Variants in NWD2 observed in about 807,000 individuals in gnomAD.
NWD2 encodes NACHT and WD repeat domain containing 2, also known as NACHT and WD repeat domain-containing protein 2.
Under a neutral mutation model 132.7 loss-of-function variants are expected in NWD2, and 37 were observed. The observed-to-expected ratio is 0.28, with a 90% CI of 0.21 to 0.37. The LOEUF (loss-of-function observed/expected upper bound fraction) is 0.37. Among genes scored for constraint, NWD2 ranks in the 10% least tolerant of loss-of-function variants. The pLI is 1.00. For missense variants in NWD2, 1,592 were observed against 2,122.4 expected, an observed-to-expected ratio of 0.75 and a Z score of 4.91; for synonymous variants, 705 against 803.0, an observed-to-expected ratio of 0.88 and a Z score of 2.06.
intron 3 of NWD2, among the ~76,000 whole-genome samples, chr4:37,417,939 A>G (rs1021864116): frequency 1.3e-5 from 2 of 152,212 alleles, no homozygotes; most frequent in African/African-American, 2.4e-5. Flanking sequence ...ATATATGTAT[A>G]TACAGAGGTT....
chr4:37,373,501 T>C (rs113427123), intron 3 of NWD2, among the ~76,000 whole-genome samples: 3 of 152,236 alleles, frequency 2.0e-5, no homozygotes, highest in African/African-American at 7.2e-5. Context: ...GGTAGCTTAT[T>C]GTAACTTGGC....
chr4:37,402,609 T>C (rs1720915578), intron 3 of NWD2, among the ~76,000 whole-genome samples: 1 of 152,196 alleles, frequency 6.6e-6, no homozygotes, highest in Non-Finnish European at 1.5e-5. Flanking sequence ...TATTGGTGAA[T>C]TGAATTATTA....
rs1437717837 is a variant in NWD2 at position 37,335,037 on chromosome 4, A to G, written c.240+9013A>G. Among the ~76,000 whole-genome samples the G allele has an allele frequency of 5.3e-5, 8 of 151,878 alleles. No homozygotes were observed. In the South Asian group the frequency reaches 1.0e-3, roughly 20 times the overall value. Reference sequence around the variant, plus strand: ...TAATACCAAACTCTTAATCTACTTTACCCAGCTGGTTCATCCTCCACAATG... The same window carrying G: ...TAATACCAAACTCTTAATCTACTTTGCCCAGCTGGTTCATCCTCCACAATG... On this transcript the variant is annotated intron_variant, in intron 2 of 6. Coordinates refer to ENST00000309447, the MANE Select transcript of NWD2 (RefSeq NM_001144990.2).
chr4:37,334,358 G>A (rs537152314), intron 2 of NWD2, among the ~76,000 whole-genome samples: 8 of 152,256 alleles, frequency 5.3e-5, no homozygotes, highest in East Asian at 1.9e-4. Flanking sequence ...TCTTCCCCAC[G>A]TAAATAATCC....
intron 1 of NWD2, among the ~76,000 whole-genome samples, chr4:37,261,389 G>T (rs918867542): frequency 3.9e-5 from 6 of 152,154 alleles, no homozygotes; most frequent in African/African-American, 1.4e-4. Context: ...TGTCTGTCAA[G>T]GTTGACATCT....
chr4:37,305,736 G>T (rs1019264767), intron 1 of NWD2, among the ~76,000 whole-genome samples: 1 of 152,078 alleles, frequency 6.6e-6, no homozygotes, highest in Admixed American at 6.6e-5. Context: ...CTAGTATTTT[G>T]TTGGGGATTT....
intron 2 of NWD2, among the ~76,000 whole-genome samples, chr4:37,345,989 G>C (rs1045715642): frequency 6.6e-6 from 1 of 151,738 alleles, no homozygotes; most frequent in Non-Finnish European, 1.5e-5. Context: ...GCTGAGGCAG[G>C]GAGAATCGCT....
intron 2 of NWD2, among the ~76,000 whole-genome samples, chr4:37,343,620 C>CA (rs891433285): frequency 2.0e-5 from 3 of 152,158 alleles, no homozygotes; most frequent in Non-Finnish European, 2.9e-5. Flanking sequence ...TTTCAAAACT[C>CA]AGTCATATTA....
chr4:37,271,327 AATGGTTG>A (rs1471889019), intron 1 of NWD2, among the ~76,000 whole-genome samples: 11 of 151,882 alleles, frequency 7.2e-5, no homozygotes, highest in African/African-American at 2.7e-4. Flanking sequence ...TGAATTTAAG[AATGGTTG>A]ATATCCAAAT....
chr4:37,334,200 T>C (rs1030635779), intron 2 of NWD2, among the ~76,000 whole-genome samples: 3 of 152,232 alleles, frequency 2.0e-5, no homozygotes, highest in Non-Finnish European at 4.4e-5. Flanking sequence ...TACAAGATTA[T>C]AGAACACCAA....
chr4:37,414,605 A>T (rs1711532456), intron 3 of NWD2, among the ~76,000 whole-genome samples: 1 of 152,232 alleles, frequency 6.6e-6, no homozygotes, highest in Admixed American at 6.5e-5. Flanking sequence ...ACACTTCTAT[A>T]AAAGCTGGCT....
rs1457785993 is a variant in NWD2 at position 37,245,027 on chromosome 4, G to C, written c.-41G>C. ...CTGCGGGCAGGAACCCGAGGAGCAGGAGGTGGCGGCGGCGGCAGTGGCTGT... is the reference window on the plus strand; with the variant it reads ...CTGCGGGCAGGAACCCGAGGAGCAGCAGGTGGCGGCGGCGGCAGTGGCTGT... On this transcript the variant is annotated 5_prime_UTR_variant, in exon 1 of 7. Coordinates refer to ENST00000309447, the MANE Select transcript of NWD2 (RefSeq NM_001144990.2). The C allele has an allele frequency of 3.2e-6, 5 of 1,540,038 alleles. No individual in the cohort carries two copies. Among genetic ancestry groups the C allele is most frequent in the Non-Finnish European group, 4.4e-6 (5 of 1,146,130 alleles).
At chr4:37,275,482 G>C (rs185123286) in intron 1 of NWD2, among the ~76,000 whole-genome samples, 1 of 152,068 alleles carries the variant, frequency 6.6e-6, no homozygotes, top group African/African-American at 2.4e-5. Flanking sequence ...AATCAATATC[G>C]TGAAAATGGC....
chr4:37,306,145 G>T (rs528791129), intron 1 of NWD2, among the ~76,000 whole-genome samples: 1 of 152,116 alleles, frequency 6.6e-6, no homozygotes, highest in Admixed American at 6.5e-5. Flanking sequence ...ATGCATAATA[G>T]TCTGTAAAGA....
intron 4 of NWD2, among the ~76,000 whole-genome samples, chr4:37,431,457 G>T (rs1263222419): frequency 6.6e-6 from 1 of 152,126 alleles, no homozygotes; most frequent in African/African-American, 2.4e-5. Flanking sequence ...CTTACATATG[G>T]AATCTAAAAA....
At chr4:37,254,290 A>G (rs1717466019) in intron 1 of NWD2, among the ~76,000 whole-genome samples, 1 of 152,238 alleles carries the variant, frequency 6.6e-6, no homozygotes. Flanking sequence ...TATGTATTTC[A>G]CTGATACAGT....
chr4:37,334,793 G>T (rs931222846), intron 2 of NWD2, among the ~76,000 whole-genome samples: 2 of 152,134 alleles, frequency 1.3e-5, no homozygotes, highest in African/African-American at 4.8e-5. Context: ...AACTTCATTA[G>T]TGGGCACCTG....
At chr4:37,262,655 A>T (rs1377334808) in intron 1 of NWD2, among the ~76,000 whole-genome samples, 5 of 152,180 alleles carry the variant, frequency 3.3e-5, no homozygotes, top group Non-Finnish European at 7.3e-5. Context: ...CCAACTACCC[A>T]GGTACCTCGG....
intron 2 of NWD2, among the ~76,000 whole-genome samples, chr4:37,353,420 T>A (rs911153359): frequency 3.9e-5 from 6 of 152,200 alleles, no homozygotes; most frequent in Non-Finnish European, 8.8e-5. Flanking sequence ...TTCTCCTGGA[T>A]AATATCCTAA....
Sources: gnomAD v4.1 joint callset for allele counts (sites outside exome capture counted in the v4.1 genomes callset) on GRCh38, gnomAD v4.1.1 for gene constraint, MANE v1.5 for transcripts, NCBI Gene and HGNC (gene_info 2026-07-23, HGNC 2026-07-21) for gene names.